UGT1A6: variants seen among roughly 807,000 people sequenced by gnomAD.
UGT1A6 encodes UDP-glucuronosyltransferase 1A6.
In UGT1A6, 32 loss-of-function variants were observed where a neutral mutation model predicts 44.4. That is an observed-to-expected ratio of 0.72 (90% CI 0.54 to 0.97). The LOEUF is 0.97. Ranked by LOEUF, UGT1A6 falls within the 50% of genes least tolerant of loss-of-function variation. The pLI, the probability that UGT1A6 is intolerant of heterozygous loss-of-function variation, is 0.00. For synonymous variants in UGT1A6, 238 were observed against 248.5 expected (o/e 0.96, Z 0.40); for missense variants, 685 against 661.9 (o/e 1.03, Z -0.38).
At chr2:233,723,411 T>C in intron 1 of UGT1A6, among the ~76,000 whole-genome samples, 1 of 134,312 alleles carries the variant, frequency 7.4e-6, no homozygotes, top group African/African-American at 3.0e-5. Context: ...GGTTTCACCA[T>C]ACTGGTCAGG....
At chr2:233,754,798 C>G (rs781516183) in intron 1 of UGT1A6, 1 of 1,247,746 alleles carries the variant, frequency 8.0e-7, no homozygotes, top group East Asian at 5.0e-5. Context: ...AATCCTGTAT[C>G]AAAAGAAGAA....
rs45516494 is a variant in UGT1A6 at position 233,719,303 on chromosome 2, G to A, written c.861+25438G>A. 3.5e-4 allele frequency: 567 copies of A among 1,613,968 alleles called. 2 individuals carry two copies. In the African/African-American group the frequency reaches 6.9e-3, roughly 20 times the overall value. ...CCGTTAACCTCTGTGGGGCGGTGCTGGCTAAGTACCTGTCGATTCCTGCTG... is the reference window on the plus strand; with the variant it reads ...CCGTTAACCTCTGTGGGGCGGTGCTAGCTAAGTACCTGTCGATTCCTGCTG... On this transcript the variant is annotated intron_variant, in intron 1 of 4. Transcript: ENST00000305139.
At chr2:233,729,341 A>G (rs1330207927) in intron 1 of UGT1A6, 2 of 1,614,238 alleles carry the variant, frequency 1.2e-6, no homozygotes, top group Admixed American at 1.7e-5. Flanking sequence ...ATCAAAGAAG[A>G]GAACTTTTTC....
intron 1 of UGT1A6, among the ~76,000 whole-genome samples, chr2:233,738,688 T>G (rs1408862943): frequency 6.6e-6 from 1 of 152,138 alleles, no homozygotes; most frequent in Non-Finnish European, 1.5e-5. Flanking sequence ...AATTGGAACT[T>G]ATGTTTAAAA....
rs1017104769 is a variant in UGT1A6, at chr2:233,772,683, C to T, written c.*124C>T. On this transcript the variant is annotated 3_prime_UTR_variant, in exon 5 of 5. Transcript: ENST00000305139. The stretch of plus-strand genomic sequence containing the variant: ...GAAATACTTTGCATAAATTAATCAG[C>T]CCCAGAGTGCTTTAAAAAATTCTCT... 4 of 1,495,776 alleles carry T rather than the reference C, an allele frequency of 2.7e-6. No individual in the cohort carries two copies. Among genetic ancestry groups the T allele is most frequent in the Admixed American group, 4.9e-5 (2 of 41,024 alleles). 92.7% of individuals were successfully genotyped at this position (1,495,776 alleles called of 1,614,324 possible).
At chr2:233,746,920 C>A (rs1023587712) in intron 1 of UGT1A6, among the ~76,000 whole-genome samples, 10 of 151,720 alleles carry the variant, frequency 6.6e-5, no homozygotes, top group Admixed American at 4.6e-4. Context: ...TTTCCACAGG[C>A]CTTTGTTGGG....
Position 233,768,305 on chromosome 2 carries a change from G to A in UGT1A6, c.1167G>A (p.Met389Ile), listed in dbSNP as rs1559415443. The A allele has an allele frequency of 1.2e-6, 2 of 1,614,084 alleles. No homozygotes were observed. Among genetic ancestry groups the A allele is most frequent in the Admixed American group, 1.7e-5 (1 of 59,988 alleles). ...TATGCAATGGCGTTCCCATGGTGAT[G>A]ATGCCCTTGTTTGGTGATCAGATGG... is the stretch of plus-strand genomic sequence containing the variant. ...ESICNGVPMV[M>I]MPLFGDQMDN... The change falls in exon 4 of 5, where the codon ATG becomes ATA. Residue 389 changes from methionine to isoleucine, a missense_variant. By Grantham distance (10) the Met-to-Ile change is conservative. Transcript: ENST00000305139.
At chr2:233,724,684 G>C (rs1018251695) in intron 1 of UGT1A6, among the ~76,000 whole-genome samples, 2 of 144,476 alleles carry the variant, frequency 1.4e-5, no homozygotes, top group Admixed American at 1.4e-4. Flanking sequence ...ATGGGATGGC[G>C]GCCGGGTGAA....
chr2:233,754,495 A>T, intron 1 of UGT1A6: 1 of 357,368 alleles, frequency 2.8e-6, no homozygotes, highest in Non-Finnish European at 5.5e-6. Context: ...TCCTAAAAAA[A>T]GTCCGCTATT....
chr2:233,740,407 A>T (rs1691384076), intron 1 of UGT1A6, among the ~76,000 whole-genome samples: 1 of 151,962 alleles, frequency 6.6e-6, no homozygotes, highest in South Asian at 2.1e-4. Context: ...AAAATGGGGA[A>T]GTCTCTCTAC....
intron 1 of UGT1A6, among the ~76,000 whole-genome samples, chr2:233,734,621 G>C (rs1231102351): frequency 6.6e-6 from 1 of 152,064 alleles, no homozygotes; most frequent in Non-Finnish European, 1.5e-5. Context: ...GTTGATTTTA[G>C]ATCTTTCCTG....
chr2:233,708,846 T>C (rs1327705614), intron 1 of UGT1A6: 1 of 152,164 alleles, frequency 6.6e-6, no homozygotes, highest in East Asian at 1.9e-4. Context: ...GCAGGGCTTT[T>C]CTTTTTTAAT....
chr2:233,724,499 A>T, intron 1 of UGT1A6, among the ~76,000 whole-genome samples: 1 of 77,576 alleles, frequency 1.3e-5, no homozygotes, highest in Admixed American at 1.3e-4. Context: ...GGCCGGGCAG[A>T]GACGCTCCTC....
intron 1 of UGT1A6, among the ~76,000 whole-genome samples, 175 bp downstream of exon 1, chr2:233,694,040 T>C (rs1407737408): frequency 6.6e-6 from 1 of 152,276 alleles, no homozygotes; most frequent in African/African-American, 2.4e-5. Flanking sequence ...GCTGAAGTGA[T>C]ACAGAGGCAT....
chr2:233,757,560 A>ATATATATATATATATGTG, intron 1 of UGT1A6, among the ~76,000 whole-genome samples: 1 of 123,156 alleles, frequency 8.1e-6, no homozygotes, highest in African/African-American at 3.4e-5. Flanking sequence ...ATATATATAT[A>ATATATATATATATATGTG]TGTATATATG....
chr2:233,750,234 G>T (rs928737676), intron 1 of UGT1A6, among the ~76,000 whole-genome samples: 6 of 151,846 alleles, frequency 4.0e-5, no homozygotes, highest in African/African-American at 1.5e-4. Flanking sequence ...GGAACTTATT[G>T]GGAACTGGAA....
At chr2:233,717,798 C>T (rs528751342) in intron 1 of UGT1A6, 2 of 456,098 alleles carry the variant, frequency 4.4e-6, no homozygotes, top group East Asian at 6.9e-5. Flanking sequence ...TGAAGTAGTG[C>T]CCCCACAAAT....
intron 1 of UGT1A6, among the ~76,000 whole-genome samples, chr2:233,717,106 AAACACCACTACATGGAAATAG>A (rs1002287058): frequency 5.9e-5 from 9 of 152,296 alleles, no homozygotes; most frequent in South Asian, 2.1e-4. Flanking sequence ...TATCTAAATA[AAACACCACTACATGGAAATAG>A]AACACCACTA....
Position 233,693,065 on chromosome 2 carries a change from T to C in UGT1A6, c.61T>C (p.Trp21Arg), listed in dbSNP as rs1209922718. The change falls in exon 1 of 5, where the codon TGG becomes CGG. Residue 21 changes from tryptophan to arginine, a missense_variant. Coordinates refer to ENST00000305139, the MANE Select transcript of UGT1A6 (RefSeq NM_001072.4). ...ISAGVFFLAL[W>R]GMVVGDKLLV... ...TGCAGGGGTTTTCTTCTTAGCACTT[T>C]GGGGCATGGTTGTAGGTGACAAGCT... 3 of 1,614,026 alleles carry C rather than the reference T, an allele frequency of 1.9e-6. No individual in the cohort carries two copies. In the African/African-American group the frequency reaches 4.0e-5, roughly 22 times the overall value.
Sources: gnomAD v4.1 joint callset for allele counts (sites outside exome capture counted in the v4.1 genomes callset) on GRCh38, gnomAD v4.1.1 for gene constraint, MANE v1.5 for transcripts, NCBI Gene and HGNC (gene_info 2026-07-23, HGNC 2026-07-21) for gene names.